ZC3H12B: variants seen among roughly 807,000 people sequenced by gnomAD.
ZC3H12B encodes probable ribonuclease ZC3H12B.
Under a neutral mutation model 43.9 loss-of-function variants are expected in ZC3H12B, and 7 were observed. That is an observed-to-expected ratio of 0.16 (90% CI 0.09 to 0.30). The LOEUF (loss-of-function observed/expected upper bound fraction) is 0.30, where lower values mean the gene tolerates loss of function less well. Ranked by LOEUF, ZC3H12B falls within the 10% of genes least tolerant of loss-of-function variation. The pLI is 1.00. For missense variants in ZC3H12B, 475 were observed against 670.2 expected (o/e 0.71, Z 3.22); for synonymous variants, 222 against 241.7 (o/e 0.92, Z 0.76).
the ZC3H12B span, among the ~76,000 whole-genome samples, chrX:65,254,752 G>C: frequency 9.0e-6 from 1 of 111,557 alleles, no homozygotes; most frequent in South Asian, 3.7e-4. Flanking sequence ...AATATGGATA[G>C]GAATGAAGAT....
At chrX:65,352,467 T>TAA in the ZC3H12B span, among the ~76,000 whole-genome samples, 3 of 101,610 alleles carry the variant, frequency 3.0e-5, no homozygotes, top group African/African-American at 1.0e-4. Context: ...AAGTATAATT[T>TAA]AAAAAAAAAA....
At chrX:65,329,128 T>C in the ZC3H12B span, among the ~76,000 whole-genome samples, 1 of 111,479 alleles carries the variant, frequency 9.0e-6, no homozygotes, top group Admixed American at 9.5e-5. Context: ...CGCCACACTG[T>C]CTTCCACAAT....
chrX:65,276,569 C>A, the ZC3H12B span, among the ~76,000 whole-genome samples: 1 of 111,024 alleles, frequency 9.0e-6, no homozygotes, highest in Non-Finnish European at 1.9e-5. Context: ...GAAAAAAAAA[C>A]TATAAGCCAA....
chrX:65,045,173 G>C, the ZC3H12B span, among the ~76,000 whole-genome samples: 1 of 110,928 alleles, frequency 9.0e-6, no homozygotes, highest in Admixed American at 9.6e-5. Context: ...GACTGATCAG[G>C]GTGGTGGTTC....
At chrX:65,304,895 G>A in the ZC3H12B span, among the ~76,000 whole-genome samples, 152 of 111,235 alleles carry the variant, frequency 1.4e-3, 1 homozygote, top group Non-Finnish European at 2.4e-3. Context: ...GTAAAGACAA[G>A]CTATAGACGT....
the ZC3H12B span, among the ~76,000 whole-genome samples, chrX:65,316,857 G>C: frequency 1.2e-4 from 13 of 111,575 alleles, no homozygotes; most frequent in Admixed American, 9.5e-4. Context: ...GTGGAAAGTA[G>C]GATAAAGAAT....
intron 2 of ZC3H12B, among the ~76,000 whole-genome samples, chrX:65,371,485 A>T (rs963550620): frequency 9.9e-5 from 11 of 111,615 alleles, no homozygotes; most frequent in Non-Finnish European, 1.9e-4. Flanking sequence ...CTTAGAATAA[A>T]TGGAACTCAT....
At chrX:65,408,126 G>C (rs2066859002) in intron 3 of ZC3H12B, 1 of 1,199,123 alleles carries the variant, frequency 8.3e-7, no homozygotes, top group African/African-American at 1.7e-5. Flanking sequence ...CAGGCTGCAG[G>C]CCAGCCCTTC....
chrX:65,413,617 C>G (rs2066928724), intron 3 of ZC3H12B, among the ~76,000 whole-genome samples: 1 of 112,235 alleles, frequency 8.9e-6, no homozygotes, highest in African/African-American at 3.2e-5. Context: ...TCTGTACTCC[C>G]AATTCTGTTA....
chrX:65,117,410 T>A, the ZC3H12B span, among the ~76,000 whole-genome samples: 1 of 112,133 alleles, frequency 8.9e-6, no homozygotes, highest in African/African-American at 3.2e-5. Flanking sequence ...TGGGGTTGTT[T>A]GATTTTTTCT....
At chrX:65,225,891 A>G in the ZC3H12B span, among the ~76,000 whole-genome samples, 1 of 112,204 alleles carries the variant, frequency 8.9e-6, no homozygotes. Context: ...GACCAAATCT[A>G]CGTCTGATTG....
At chrX:65,253,812 G>C in the ZC3H12B span, among the ~76,000 whole-genome samples, 1 of 111,989 alleles carries the variant, frequency 8.9e-6, no homozygotes, top group Non-Finnish European at 1.9e-5. Flanking sequence ...CAGCACACTG[G>C]CATCTTTCTC....
chrX:65,468,392 C>T (rs1269861283), intron 3 of ZC3H12B, among the ~76,000 whole-genome samples: 1 of 111,047 alleles, frequency 9.0e-6, no homozygotes, highest in Non-Finnish European at 1.9e-5. Context: ...TAATGTGATG[C>T]TTCCAGATTT....
At chrX:65,395,082 G>A (rs186813062) in intron 2 of ZC3H12B, among the ~76,000 whole-genome samples, 1 of 112,073 alleles carries the variant, frequency 8.9e-6, no homozygotes, top group Non-Finnish European at 1.9e-5. Flanking sequence ...TGCTGAAGTT[G>A]CTTATCAACT....
chrX:65,450,817 A>G (rs199811278), intron 3 of ZC3H12B, among the ~76,000 whole-genome samples: 3 of 72,274 alleles, frequency 4.2e-5, no homozygotes, highest in Non-Finnish European at 7.0e-5. Flanking sequence ...GTATATATGT[A>G]TATATATACA....
intron 2 of ZC3H12B, among the ~76,000 whole-genome samples, chrX:65,373,624 A>G (rs1219446536): frequency 1.9e-5 from 2 of 105,254 alleles, no homozygotes; most frequent in Non-Finnish European, 3.9e-5. Flanking sequence ...CATCATTCTC[A>G]GCAAACTATC....
chrX:65,215,664 G>A, the ZC3H12B span, among the ~76,000 whole-genome samples: 1 of 111,244 alleles, frequency 9.0e-6, no homozygotes, highest in Non-Finnish European at 1.9e-5. Context: ...TCATCTGCAT[G>A]TTCACTGGAG....
intron 3 of ZC3H12B, among the ~76,000 whole-genome samples, chrX:65,413,979 C>T (rs753998131): frequency 1.8e-5 from 2 of 111,925 alleles, no homozygotes. Flanking sequence ...TTTTAGTGTA[C>T]AAGTCTTTTA....
At chrX:65,296,646 A>G in the ZC3H12B span, among the ~76,000 whole-genome samples, 1 of 111,245 alleles carries the variant, frequency 9.0e-6, no homozygotes, top group African/African-American at 3.3e-5. Context: ...TCCTCCCTAA[A>G]TCATTCTATG....
Sources: gnomAD v4.1 joint callset for allele counts (sites outside exome capture counted in the v4.1 genomes callset) on GRCh38, gnomAD v4.1.1 for gene constraint, MANE v1.5 for transcripts, NCBI Gene and HGNC (gene_info 2026-07-23, HGNC 2026-07-21) for gene names.